The following PDE4B variants were observed in gnomAD, a reference collection of about 807,000 sequenced individuals.
The protein encoded by PDE4B is phosphodiesterase 4B.
Under a neutral mutation model 82.2 loss-of-function variants are expected in PDE4B, and 20 were observed. The observed-to-expected ratio is 0.24, with a 90% CI of 0.17 to 0.35. The LOEUF (loss-of-function observed/expected upper bound fraction) is 0.35, where lower values mean the gene tolerates loss of function less well. Ranked by LOEUF, PDE4B falls within the 10% of genes least tolerant of loss-of-function variation. The pLI, the probability that PDE4B is intolerant of heterozygous loss-of-function variation, is 1.00. For missense variants in PDE4B, 655 were observed against 907.2 expected (o/e 0.72, Z 3.57); for synonymous variants, 320 against 318.9 (o/e 1.00, Z -0.04).
chr1:66,008,760 C>G (rs1341833611), intron 3 of PDE4B, among the ~76,000 whole-genome samples: 1 of 151,928 alleles, frequency 6.6e-6, no homozygotes, highest in African/African-American at 2.4e-5. Context: ...ATTCCATGTG[C>G]CAAATATAAT....
chr1:66,112,275 C>A (rs1475132844), intron 3 of PDE4B, among the ~76,000 whole-genome samples: 1 of 151,902 alleles, frequency 6.6e-6, no homozygotes, highest in African/African-American at 2.4e-5. Context: ...TCTTGTATTG[C>A]TTGCTTTTGT....
At chr1:65,850,382 C>A (rs1450383243) in intron 1 of PDE4B, among the ~76,000 whole-genome samples, 2 of 152,116 alleles carry the variant, frequency 1.3e-5, no homozygotes, top group Non-Finnish European at 2.9e-5. Flanking sequence ...CAGGGGTGAG[C>A]ACTGTGCCCG....
Position 65,920,959 on chromosome 1 carries a change from C to CTTTTTT in PDE4B, c.281+2146_281+2151dup, listed in dbSNP as rs71058435. ...AAAACATAAGTAACTAAAAGCATTTCTTTTTTTTTTTTTTTTTTTTTTTTT... is the reference window on the plus strand; with the variant it reads ...AAAACATAAGTAACTAAAAGCATTTCTTTTTTTTTTTTTTTTTTTTTTTTTTTTTTT... On this transcript the variant is annotated intron_variant, in intron 3 of 16. Transcript: ENST00000341517. Among the ~76,000 whole-genome samples the CTTTTTT allele has an allele frequency of 2.8e-4, 19 of 68,176 alleles. 3 individuals are homozygous for CTTTTTT. Among genetic ancestry groups the CTTTTTT allele is most frequent in the Middle Eastern group, 0.011 (1 of 88 alleles). The allele number at this position is 68,176 out of a possible 152,430, so 44.7% of individuals were successfully genotyped here.
At chr1:66,314,767 A>G (rs752580234) in intron 7 of PDE4B, among the ~76,000 whole-genome samples, 2 of 151,980 alleles carry the variant, frequency 1.3e-5, no homozygotes, top group Non-Finnish European at 2.9e-5. Context: ...TCTGCTTCAC[A>G]TTTCATTTTG....
intron 1 of PDE4B, among the ~76,000 whole-genome samples, chr1:65,832,210 G>T (rs1646090548): frequency 6.6e-6 from 1 of 152,096 alleles, no homozygotes; most frequent in Admixed American, 6.6e-5. Flanking sequence ...AAAACTTAAG[G>T]CTTTGGAAGC....
At chr1:66,068,195 A>C (rs1655968070) in intron 3 of PDE4B, among the ~76,000 whole-genome samples, 1 of 151,964 alleles carries the variant, frequency 6.6e-6, no homozygotes, top group Admixed American at 6.6e-5. Flanking sequence ...CAGGAAGACA[A>C]CACAACTTGG....
At chr1:66,254,320 T>C (rs964372598) in intron 4 of PDE4B, among the ~76,000 whole-genome samples, 1 of 152,206 alleles carries the variant, frequency 6.6e-6, no homozygotes, top group African/African-American at 2.4e-5. Flanking sequence ...AAAGTTCATC[T>C]TGGGAAAAAA....
At chr1:66,342,916 A>C (rs538311330) in intron 8 of PDE4B, among the ~76,000 whole-genome samples, 3 of 152,136 alleles carry the variant, frequency 2.0e-5, no homozygotes, top group Admixed American at 2.0e-4. Context: ...GCAGTGGTGC[A>C]TGCCTGTAGT....
chr1:66,247,574 G>C lies in PDE4B; in HGVS notation c.396G>C (p.Glu132Asp). 1.2e-6 allele frequency: 2 copies of C among 1,612,124 alleles called. No homozygotes were observed. The highest frequency in any genetic ancestry group is 1.7e-6 in the Non-Finnish European group (2 of 1,178,916). Residue 132 changes from glutamate (E) to aspartate (D), a missense_variant, in exon 4 of 17, where the codon GAG (glutamate) becomes GAC (aspartate). Physicochemically the swap from Glu to Asp is conservative, Grantham distance 45 (BLOSUM62 2). This residue lies in a region of PDE4B where 253 missense variants were observed against 275.6 expected (regional missense o/e 0.92). Transcript: ENST00000341517. ...ATFPGHSQRRESFLYRSDSDY... is the reference protein window; with the variant it reads ...ATFPGHSQRRDSFLYRSDSDY... The stretch of plus-strand genomic sequence containing the variant: ...TTCCTGGGCACAGCCAGCGCAGAGA[G>C]TCATTTCTCTACAGATCAGACAGCG...
At chr1:66,225,124 T>C (rs1651339079) in intron 3 of PDE4B, among the ~76,000 whole-genome samples, 1 of 152,148 alleles carries the variant, frequency 6.6e-6, no homozygotes, top group African/African-American at 2.4e-5. Context: ...AATTTCTCTC[T>C]CTCTCTCAAA....
At chr1:65,805,213 C>T (rs1166983969) in intron 1 of PDE4B, among the ~76,000 whole-genome samples, 1 of 152,196 alleles carries the variant, frequency 6.6e-6, no homozygotes, top group Non-Finnish European at 1.5e-5. Flanking sequence ...GATCTACCCA[C>T]CTTGGCCTCC....
chr1:65,992,491 C>T (rs935823173), intron 3 of PDE4B: 1 of 157,444 alleles, frequency 6.4e-6, no homozygotes, highest in Non-Finnish European at 1.4e-5. Flanking sequence ...TGCTTACTAT[C>T]CATTAGTGAA....
At chr1:66,081,459 A>G (rs2503228) in intron 3 of PDE4B, among the ~76,000 whole-genome samples, 145,928 of 152,256 alleles carry the variant, frequency 0.96, 69,953 homozygotes, top group East Asian at 0.98. Flanking sequence ...TTTAGTGAAA[A>G]TAAGTCTCTT....
chr1:66,083,870 G>T (rs533274123), intron 3 of PDE4B, among the ~76,000 whole-genome samples: 1 of 152,096 alleles, frequency 6.6e-6, no homozygotes, highest in Admixed American at 6.5e-5. Flanking sequence ...GTATCATATG[G>T]TATTATTCTG....
chr1:66,182,452 G>C (rs1647087367), intron 3 of PDE4B, among the ~76,000 whole-genome samples: 1 of 152,078 alleles, frequency 6.6e-6, no homozygotes, highest in African/African-American at 2.4e-5. Context: ...GTTTTAGTAA[G>C]CATTCTCTTA....
intron 3 of PDE4B, among the ~76,000 whole-genome samples, chr1:66,077,832 T>A (rs1656510663): frequency 6.6e-6 from 1 of 152,188 alleles, no homozygotes; most frequent in East Asian, 1.9e-4. Context: ...AACATAACTC[T>A]ATGTACTTTA....
chr1:66,141,208 T>C (rs914055940), intron 3 of PDE4B, among the ~76,000 whole-genome samples: 1 of 151,518 alleles, frequency 6.6e-6, no homozygotes, highest in Non-Finnish European at 1.5e-5. Context: ...CTGAGAATAC[T>C]AAGGTTACTA....
At chr1:66,317,601 A>AT (rs1263033023) in intron 7 of PDE4B, among the ~76,000 whole-genome samples, 6 of 151,516 alleles carry the variant, frequency 4.0e-5, no homozygotes, top group Non-Finnish European at 7.4e-5. Flanking sequence ...CTTTATTATT[A>AT]TTTTTTTAAG....
intron 3 of PDE4B, among the ~76,000 whole-genome samples, chr1:66,192,797 A>G (rs1647944922): frequency 6.6e-6 from 1 of 152,128 alleles, no homozygotes; most frequent in Non-Finnish European, 1.5e-5. Context: ...GCAATTAATA[A>G]TAATAATAAT....
Sources: gnomAD v4.1 joint callset for allele counts (sites outside exome capture counted in the v4.1 genomes callset) on GRCh38, gnomAD v4.1.1 for gene constraint, gnomAD v4.1.1 regional missense constraint, MANE v1.5 for transcripts, NCBI Gene and HGNC (gene_info 2026-07-23, HGNC 2026-07-21) for gene names.